CNTLN: variants seen among roughly 807,000 people sequenced by gnomAD.
CNTLN encodes centlein, centrosomal protein.
A neutral mutation model predicts 180.0 loss-of-function variants in CNTLN; 212 were observed. The ratio of observed to expected loss-of-function variants is 1.18; its 90% CI spans 1.05 to 1.32. The LOEUF (loss-of-function observed/expected upper bound fraction) is 1.32, where lower values mean the gene tolerates loss of function less well. Among genes scored for constraint, CNTLN ranks in the 40% most tolerant of loss-of-function variants. The pLI, the probability that CNTLN is intolerant of heterozygous loss-of-function variation, is 0.00. For missense variants in CNTLN, 2,095 were observed against 1,610.9 expected (o/e 1.30, Z -5.14); for synonymous variants, 722 against 563.1 (o/e 1.28, Z -3.99).
chr9:17,138,687 C>T (rs1035787796), intron 1 of CNTLN, among the ~76,000 whole-genome samples: 1 of 152,190 alleles, frequency 6.6e-6, no homozygotes, highest in Non-Finnish European at 1.5e-5. Flanking sequence ...AAACTCTTGA[C>T]ATCCTTTGCC....
intron 2 of CNTLN, among the ~76,000 whole-genome samples, chr9:17,221,563 T>G (rs1290281186): frequency 6.6e-6 from 1 of 152,102 alleles, no homozygotes; most frequent in Non-Finnish European, 1.5e-5. Context: ...ATTTCCAGTG[T>G]GGTTTATTCC....
intron 5 of CNTLN, among the ~76,000 whole-genome samples, chr9:17,247,958 G>A (rs1443839647): frequency 6.6e-6 from 1 of 151,764 alleles, no homozygotes; most frequent in East Asian, 2.0e-4. Context: ...AACCTTGGAA[G>A]CAGGTGGTAC....
chr9:17,267,173 G>A (rs1348191641), intron 5 of CNTLN, among the ~76,000 whole-genome samples: 3 of 152,042 alleles, frequency 2.0e-5, no homozygotes, highest in African/African-American at 7.2e-5. Context: ...GCAGTGGCTG[G>A]TACCGGTTGT....
intron 2 of CNTLN, among the ~76,000 whole-genome samples, chr9:17,156,557 G>A (rs1819304735): frequency 6.6e-6 from 1 of 151,552 alleles, no homozygotes; most frequent in Non-Finnish European, 1.5e-5. Flanking sequence ...TATTTATTCT[G>A]TAGAGTTTCC....
chr9:17,385,744 A>G (rs940474879), intron 13 of CNTLN, among the ~76,000 whole-genome samples: 1 of 152,216 alleles, frequency 6.6e-6, no homozygotes. Flanking sequence ...AACAATATTT[A>G]CATAGCATTT....
At chr9:17,135,494 T>C in intron 1 of CNTLN, 69 bp downstream of exon 1, 1 of 1,506,792 alleles carries the variant, frequency 6.6e-7, no homozygotes, top group South Asian at 1.3e-5. Flanking sequence ...GAGGCGCGCC[T>C]TTCTCCCTCT....
At chr9:17,511,482 C>G in the CNTLN span, among the ~76,000 whole-genome samples, 1 of 152,194 alleles carries the variant, frequency 6.6e-6, no homozygotes, top group Non-Finnish European at 1.5e-5. Context: ...GGATTCACTT[C>G]CTAGCTCTTC....
At chr9:17,148,958 A>G (rs1818647211) in intron 2 of CNTLN, among the ~76,000 whole-genome samples, 1 of 152,076 alleles carries the variant, frequency 6.6e-6, no homozygotes, top group Admixed American at 6.5e-5. Flanking sequence ...TCCTAATGTT[A>G]TCCCTCCTGT....
intron 7 of CNTLN, chr9:17,300,962 G>T (rs1225873928): frequency 1.0e-6 from 1 of 981,260 alleles, no homozygotes; most frequent in Admixed American, 6.2e-5. Context: ...TTTAAAATTA[G>T]TTGATAGCAG....
chr9:17,466,570 A>G (rs567520378), intron 22 of CNTLN, 136 bp from the exon 23 acceptor site: 1 of 663,426 alleles, frequency 1.5e-6, no homozygotes, highest in Admixed American at 3.3e-5. Context: ...GTTAATGAAA[A>G]TAATCATTAA....
At chr9:17,325,249 G>T (rs540051038) in intron 8 of CNTLN, among the ~76,000 whole-genome samples, 111 of 149,008 alleles carry the variant, frequency 7.4e-4, no homozygotes, top group Non-Finnish European at 1.5e-3. Flanking sequence ...AGATGATTCA[G>T]CTAACAATGT....
chr9:17,472,633 G>A (rs750229091), intron 23 of CNTLN, among the ~76,000 whole-genome samples: 1 of 152,070 alleles, frequency 6.6e-6, no homozygotes, highest in Admixed American at 6.5e-5. Flanking sequence ...CTGACTGGTA[G>A]ATGCTACTAG....
intron 8 of CNTLN, among the ~76,000 whole-genome samples, chr9:17,328,380 T>G (rs1315147098): frequency 6.6e-6 from 1 of 152,208 alleles, no homozygotes; most frequent in East Asian, 1.9e-4. Context: ...CCTAATTCTT[T>G]GCTTTTCGTG....
intron 6 of CNTLN, among the ~76,000 whole-genome samples, chr9:17,292,777 C>T (rs978206117): frequency 1.4e-4 from 21 of 152,248 alleles, no homozygotes; most frequent in Admixed American, 9.8e-4. Flanking sequence ...TTCATTGTTA[C>T]CCACCTTCTG....
Position 17,323,655 on chromosome 9 carries a change from CAGTT to C in CNTLN, c.1342-6976_1342-6973del, listed in dbSNP as rs536371733. Among the ~76,000 whole-genome samples, 49 of 152,336 alleles carry C rather than the reference CAGTT, an allele frequency of 3.2e-4. 1 individual carries two copies. The highest frequency in any genetic ancestry group is 3.1e-3 in the South Asian group (15 of 4,822). On this transcript the variant is annotated intron_variant, in intron 8 of 25. Coordinates refer to ENST00000380647, the MANE Select transcript of CNTLN (RefSeq NM_017738.4). ...TACTTTACATGGCGGATGCCTAACT[CAGTT>C]GGTTTTCAACTGCTGAAATTATAAA...
intron 5 of CNTLN, among the ~76,000 whole-genome samples, chr9:17,249,704 TG>T (rs1277060647): frequency 6.6e-6 from 1 of 151,920 alleles, no homozygotes; most frequent in African/African-American, 2.4e-5. Context: ...CCTTCTGCTG[TG>T]GATTTCTAGC....
intron 7 of CNTLN, among the ~76,000 whole-genome samples, chr9:17,306,146 A>ATT (rs572150057): frequency 3.1e-5 from 4 of 127,982 alleles, no homozygotes; most frequent in African/African-American, 5.7e-5. Context: ...TTAGTCGTCT[A>ATT]TTTTTTTTTT....
At chr9:17,317,330 A>G (rs374065152) in intron 8 of CNTLN, among the ~76,000 whole-genome samples, 7 of 152,330 alleles carry the variant, frequency 4.6e-5, no homozygotes, top group East Asian at 3.9e-4. Flanking sequence ...AAATAGATAA[A>G]TAGAAAATTT....
intron 3 of CNTLN, among the ~76,000 whole-genome samples, chr9:17,229,254 T>G (rs1326728374): frequency 6.6e-6 from 1 of 151,898 alleles, no homozygotes; most frequent in African/African-American, 2.4e-5. Flanking sequence ...ATGGAGTGGG[T>G]TTTTGAAAAA....
Sources: allele counts gnomAD v4.1 joint callset (sites outside exome capture counted in the v4.1 genomes callset), GRCh38; gene constraint gnomAD v4.1.1; transcripts MANE v1.5; gene names NCBI Gene and HGNC (gene_info 2026-07-23, HGNC 2026-07-21).